The following AKT3 variants were observed in gnomAD, a reference collection of about 807,000 sequenced individuals.
AKT3 encodes AKT serine/threonine kinase 3, also known as RAC-gamma serine/threonine-protein kinase.
A neutral mutation model predicts 65.3 loss-of-function variants in AKT3; 15 were observed. The observed-to-expected ratio is 0.23, with a 90% confidence interval of 0.15 to 0.35. The LOEUF (loss-of-function observed/expected upper bound fraction) is 0.35. Among genes scored for constraint, AKT3 ranks in the 10% least tolerant of loss-of-function variants. The probability of loss-of-function intolerance (pLI) is 1.00; values close to 1 mark genes in which losing one functional copy is unlikely to be tolerated. For missense variants in AKT3, 243 were observed against 576.5 expected (o/e 0.42, Z 5.92); for synonymous variants, 206 against 183.8 (o/e 1.12, Z -0.98).
At chr1:243,705,768 C>T (rs956407024) in intron 2 of AKT3, among the ~76,000 whole-genome samples, 3 of 152,126 alleles carry the variant, frequency 2.0e-5, no homozygotes, top group African/African-American at 4.8e-5. Context: ...TCAATCTGTA[C>T]GCAGCCTCCT....
At chr1:243,751,021 T>C (rs1023891629) in intron 2 of AKT3, among the ~76,000 whole-genome samples, 10 of 152,196 alleles carry the variant, frequency 6.6e-5, no homozygotes, top group African/African-American at 2.4e-4. Flanking sequence ...AGTGAGATAA[T>C]GCTTTGGAAA....
intron 2 of AKT3, among the ~76,000 whole-genome samples, chr1:243,815,007 T>C (rs1218291659): frequency 6.6e-6 from 1 of 152,210 alleles, no homozygotes. Flanking sequence ...TGGATATTTC[T>C]AAGGTCTTAA....
At chr1:243,678,087 TCAAA>T (rs754761655) in intron 3 of AKT3, among the ~76,000 whole-genome samples, 6 of 151,998 alleles carry the variant, frequency 3.9e-5, no homozygotes, top group Admixed American at 6.6e-5. Flanking sequence ...GACTCTTGTC[TCAAA>T]CAAACAAAAA....
intron 2 of AKT3, among the ~76,000 whole-genome samples, chr1:243,711,424 T>C (rs1461139237): frequency 1.3e-5 from 2 of 152,216 alleles, no homozygotes; most frequent in East Asian, 1.9e-4. Flanking sequence ...CTGTTTTCTT[T>C]ATATTTTCTT....
rs189052184 is a variant in AKT3, at chr1:243,526,063, G to T, written c.1252-13637C>A. Among the ~76,000 whole-genome samples the T allele has an allele frequency of 2.3e-3, 350 of 151,780 alleles. 1 individual carries two copies. The highest frequency in any genetic ancestry group is 3.5e-3 in the Non-Finnish European group (239 of 67,952). ...GAACTACTCTGTGTGTGTGTAAAGA[G>T]ATTACAGGTAACTGAATTTCCCTGA... On this transcript the variant is annotated intron_variant, in intron 12 of 13. Coordinates refer to ENST00000673466, the MANE Select transcript of AKT3 (RefSeq NM_005465.7).
chr1:243,727,835 T>C (rs939825387), intron 2 of AKT3, among the ~76,000 whole-genome samples: 2 of 152,046 alleles, frequency 1.3e-5, no homozygotes, highest in African/African-American at 2.4e-5. Flanking sequence ...AACTAAAAAA[T>C]TTGATATAAT....
intron 3 of AKT3, among the ~76,000 whole-genome samples, chr1:243,680,996 T>C (rs1683871849): frequency 6.6e-6 from 1 of 152,092 alleles, no homozygotes; most frequent in African/African-American, 2.4e-5. Context: ...CTGGAAAACC[T>C]CTCACCTCAA....
downstream of AKT3, among the ~76,000 whole-genome samples, chr1:243,498,505 G>C (rs944246791): frequency 6.6e-6 from 1 of 152,102 alleles, no homozygotes; most frequent in Admixed American, 6.5e-5. Context: ...CCTGAGGCCA[G>C]GCCCCCCACC....
At chr1:243,822,238 A>G (rs998506025) in intron 2 of AKT3, among the ~76,000 whole-genome samples, 1 of 152,214 alleles carries the variant, frequency 6.6e-6, no homozygotes, top group Non-Finnish European at 1.5e-5. Flanking sequence ...ATGAAAACAA[A>G]GAGACAATGT....
At chr1:243,763,539 T>C (rs12079019) in intron 2 of AKT3, among the ~76,000 whole-genome samples, 3,420 of 152,092 alleles carry the variant, frequency 0.022, 123 homozygotes, top group African/African-American at 0.078. Flanking sequence ...TGCCAACTGA[T>C]TGGGGAAAAT....
chr1:243,733,618 G>A (rs1687679729), intron 2 of AKT3, among the ~76,000 whole-genome samples: 1 of 152,156 alleles, frequency 6.6e-6, no homozygotes, highest in Non-Finnish European at 1.5e-5. Flanking sequence ...TTATATCTCA[G>A]AGACCTTTTG....
intron 2 of AKT3, among the ~76,000 whole-genome samples, chr1:243,839,968 G>C (rs1695140797): frequency 6.6e-6 from 1 of 151,666 alleles, no homozygotes; most frequent in Admixed American, 6.6e-5. Context: ...AGATCACGAA[G>C]TCAGGAGATC....
intron 2 of AKT3, among the ~76,000 whole-genome samples, chr1:243,711,902 A>C (rs573565479): frequency 5.3e-5 from 8 of 152,336 alleles, no homozygotes; most frequent in African/African-American, 1.9e-4. Context: ...TGTACTACTA[A>C]GATTTAGCAA....
At chr1:243,766,417 T>C (rs921823653) in intron 2 of AKT3, among the ~76,000 whole-genome samples, 7 of 152,210 alleles carry the variant, frequency 4.6e-5, no homozygotes, top group Non-Finnish European at 8.8e-5. Flanking sequence ...GAGAATCTAC[T>C]GTCTTCATTG....
At position 243,722,044 on chromosome 1, in the gene AKT3, T is replaced by G. The variant is rs1021613588; in HGVS notation, c.47-26328A>C. Among the ~76,000 whole-genome samples the G allele has an allele frequency of 6.6e-4, 100 of 152,302 alleles. 1 individual carries two copies. Among genetic ancestry groups the G allele is most frequent in the African/African-American group, 2.3e-3 (94 of 41,568 alleles). On this transcript the variant is annotated intron_variant, in intron 2 of 13. Coordinates refer to ENST00000673466, the MANE Select transcript of AKT3 (RefSeq NM_005465.7). Reference sequence around the variant, plus strand: ...GCCAAGCATAAGACATTCCAAATAATTTCCAAACACATTTTGGCTATGAAT... The same window carrying G: ...GCCAAGCATAAGACATTCCAAATAAGTTCCAAACACATTTTGGCTATGAAT...
chr1:243,772,020 A>C (rs10754809), intron 2 of AKT3, among the ~76,000 whole-genome samples: 126,482 of 152,112 alleles, frequency 0.83, 52,750 homozygotes, highest in Non-Finnish European at 0.86. Context: ...ATTCCTTACA[A>C]CTCATACAAA....
chr1:243,838,547 G>T (rs1273860931), intron 2 of AKT3, among the ~76,000 whole-genome samples: 2 of 151,984 alleles, frequency 1.3e-5, no homozygotes, highest in Non-Finnish European at 2.9e-5. Flanking sequence ...CCTGGACTTA[G>T]ATAAACACTC....
chr1:243,580,060 G>A (rs1675218695), intron 8 of AKT3, among the ~76,000 whole-genome samples: 1 of 152,160 alleles, frequency 6.6e-6, no homozygotes, highest in African/African-American at 2.4e-5. Context: ...AAGAGGGTGG[G>A]TTAGAGGCTT....
At position 243,755,030 on chromosome 1, in the gene AKT3, T is replaced by A. The variant is rs561107728; in HGVS notation, c.47-59314A>T. Among the ~76,000 whole-genome samples the A allele has an allele frequency of 5.5e-4, 83 of 152,218 alleles. 2 individuals carry two copies. The South Asian group carries it at 0.017, about 31-fold the overall frequency. ...TATGTAGGAAATCATCAATAAATAT[T>A]TGCCAAATTAATAAATGTATCACTC... On this transcript the variant is annotated intron_variant, in intron 2 of 13. Transcript: ENST00000673466.
Sources: gnomAD v4.1 joint callset for allele counts (sites outside exome capture counted in the v4.1 genomes callset) on GRCh38, gnomAD v4.1.1 for gene constraint, MANE v1.5 for transcripts, NCBI Gene and HGNC (gene_info 2026-07-23, HGNC 2026-07-21) for gene names.